The following E2F3 variants were observed in gnomAD, a reference collection of about 807,000 sequenced individuals.
E2F3 encodes the protein transcription factor E2F3.
E2F3 carries 11 observed loss-of-function variants against 44.4 expected under a neutral mutation model. That is an observed-to-expected ratio of 0.25 (90% CI 0.16 to 0.41). E2F3 has a LOEUF of 0.41. Among genes scored for constraint, E2F3 ranks in the 10% least tolerant of loss-of-function variants. The probability of loss-of-function intolerance (pLI) is 1.00; values close to 1 mark genes in which losing one functional copy is unlikely to be tolerated. For missense variants in E2F3, 487 were observed against 583.6 expected, an observed-to-expected ratio of 0.83 and a Z score of 1.70; for synonymous variants, 249 against 253.0, an observed-to-expected ratio of 0.98 and a Z score of 0.15.
At position 20,492,527 on chromosome 6, in the gene E2F3, C is replaced by A. The variant is rs1449229610; in HGVS notation, c.*2097C>A. ...TTATGCCAAGCTTTTCCCCATTTCCCATATTTATCTCATCTGGTTAGCTGC... is the reference window on the plus strand; with the variant it reads ...TTATGCCAAGCTTTTCCCCATTTCCAATATTTATCTCATCTGGTTAGCTGC... On this transcript the variant is annotated 3_prime_UTR_variant, in exon 7 of 7. Coordinates refer to ENST00000346618, the MANE Select transcript of E2F3 (RefSeq NM_001949.5). The A allele has an allele frequency of 1.7e-5, 4 of 233,206 alleles. No homozygotes were observed. The highest frequency in any genetic ancestry group is 3.4e-5 in the Non-Finnish European group (4 of 117,770). 14.4% of individuals were successfully genotyped at this position (233,206 alleles called of 1,614,324 possible).
intron 1 of E2F3, among the ~76,000 whole-genome samples, chr6:20,416,204 C>T (rs1005155134): frequency 7.9e-5 from 12 of 152,170 alleles, no homozygotes; most frequent in Non-Finnish European, 1.5e-4. Context: ...GTTGGGCTTC[C>T]GTTTCAGGAC....
intron 1 of E2F3, among the ~76,000 whole-genome samples, chr6:20,441,780 C>A (rs1487656469): frequency 2.8e-5 from 4 of 142,896 alleles, no homozygotes; most frequent in African/African-American, 1.0e-4. Flanking sequence ...GTTGGCCAGG[C>A]TGGTCTCGAA....
Position 20,475,343 on chromosome 6 carries a change from CCATAGGCCTT to C in E2F3, c.394-4502_394-4493del, listed in dbSNP as rs1762011072. Among the ~76,000 whole-genome samples the C allele has an allele frequency of 3.3e-5, 5 of 152,196 alleles. No homozygotes were observed. In the South Asian group the frequency reaches 8.3e-4, roughly 25 times the overall value. On this transcript the variant is annotated intron_variant, in intron 1 of 6. Transcript: ENST00000346618. ...TTCCCTAACCTACAGTTTAATGGTT[CCATAGGCCTT>C]TGCCTCATGGCAGTCTGAAACAGCA...
rs976867358 is a variant in E2F3 at position 20,419,627 on chromosome 6, G to C, written c.393+17002G>C. Among the ~76,000 whole-genome samples the C allele has an allele frequency of 6.2e-5, 9 of 145,252 alleles. No homozygotes were observed. In the East Asian group the frequency reaches 1.9e-3, roughly 30 times the overall value. On this transcript the variant is annotated intron_variant, in intron 1 of 6. Transcript: ENST00000346618. ...TGCCCAGGCTGGAGTGCAGTGGCAT[G>C]ATCTGGGCTCACTGCAACCTCCATT...
At position 20,402,494 on chromosome 6, in the gene E2F3, GC is replaced by G; in HGVS notation, c.267del (p.Gly90AlafsTer49). The part of the protein sequence containing the change: ...AVAAGPLLPS[A>X]PGAEQTAGSL... ...AGCCGCCGGCCCCCTCCTCCCCAGT[GC>G]CCCCGGCGCGGAGCAGACCGCCGGC... On this transcript the variant is annotated frameshift_variant, in exon 1 of 7. Coordinates refer to ENST00000346618, the MANE Select transcript of E2F3 (RefSeq NM_001949.5). LOFTEE classifies it high-confidence loss of function. This position sits in a 1 kb window ranked among gnomAD's most constrained non-coding sequence, Gnocchi z 5.6. 1.2e-6 allele frequency: 2 copies of G among 1,606,274 alleles called. No homozygotes were observed. Among genetic ancestry groups the G allele is most frequent in the Non-Finnish European group, 8.5e-7 (1 of 1,179,050 alleles).
At chr6:20,459,380 G>A (rs1761424167) in intron 1 of E2F3, among the ~76,000 whole-genome samples, 1 of 152,206 alleles carries the variant, frequency 6.6e-6, no homozygotes, top group Admixed American at 6.5e-5. Flanking sequence ...TTTCAGAACA[G>A]TGATGCCAGC....
In E2F3 at chr6:20,481,438, C is replaced by A. The variant is rs1214858486; in HGVS notation, c.725+13C>A. On this transcript the variant is annotated intron_variant, in intron 3 of 6. Coordinates refer to ENST00000346618, the MANE Select transcript of E2F3 (RefSeq NM_001949.5). Reference sequence around the variant, plus strand: ...ACGTCCAATGGATGTGAGTAGGAGTCCTCCCCATGCCCCGGCTCTGAGGGG... The same window carrying A: ...ACGTCCAATGGATGTGAGTAGGAGTACTCCCCATGCCCCGGCTCTGAGGGG... 6.2e-7 allele frequency: 1 copy of A among 1,612,368 alleles called. No homozygotes were observed.
At chr6:20,482,631 T>G in intron 3 of E2F3, 131 bp from the exon 4 acceptor site, 1 of 500,090 alleles carries the variant, frequency 2.0e-6, no homozygotes, top group Non-Finnish European at 3.3e-6. Context: ...TGTGTAAATG[T>G]TCTAATTTTA....
At chr6:20,434,506 C>G (rs1263155000) in intron 1 of E2F3, among the ~76,000 whole-genome samples, 1 of 152,136 alleles carries the variant, frequency 6.6e-6, no homozygotes, top group African/African-American at 2.4e-5. Context: ...ATCTCAGTTT[C>G]TTTTCTCCTA....
chr6:20,451,612 G>A (rs1761133405), intron 1 of E2F3, among the ~76,000 whole-genome samples: 1 of 152,184 alleles, frequency 6.6e-6, no homozygotes, highest in Non-Finnish European at 1.5e-5. Flanking sequence ...TAGGAGTGGT[G>A]AGAGAGGGCA....
chr6:20,463,869 G>A (rs1045171047), intron 1 of E2F3, among the ~76,000 whole-genome samples: 1 of 152,190 alleles, frequency 6.6e-6, no homozygotes, highest in Non-Finnish European at 1.5e-5. Context: ...CCAGTCGCAA[G>A]CCCCAGATTG....
At chr6:20,483,648 C>T (rs926978572) in intron 4 of E2F3, among the ~76,000 whole-genome samples, 2 of 152,292 alleles carry the variant, frequency 1.3e-5, no homozygotes, top group African/African-American at 2.4e-5. Context: ...AAAACTTGCT[C>T]TTCATCATCT....
intron 1 of E2F3, chr6:20,403,959 AG>A: frequency 3.8e-6 from 2 of 530,972 alleles, no homozygotes; most frequent in Non-Finnish European, 6.5e-6. Context: ...TGGGTGCTCG[AG>A]GGAAATGAGT....
intron 1 of E2F3, among the ~76,000 whole-genome samples, chr6:20,453,631 C>T (rs1761215303): frequency 6.6e-6 from 1 of 152,100 alleles, no homozygotes; most frequent in Admixed American, 6.5e-5. Flanking sequence ...AGGCTGGTCT[C>T]TAACTCCTGG....
chr6:20,482,342 G>GTTTTTTTTT (rs71734781), intron 3 of E2F3, among the ~76,000 whole-genome samples: 13 of 130,090 alleles, frequency 1.0e-4, no homozygotes, highest in Non-Finnish European at 1.5e-4. Flanking sequence ...TTGTTTTTTT[G>GTTTTTTTTT]TTTTTTTTTT....
rs972519043 is a variant in E2F3 at position 20,490,123 on chromosome 6, A to G, written c.1136-45A>G. Reference sequence around the variant, plus strand: ...ACATTCTTCCAGAAAAATTCATTTGATTTTTCTAACTTATTTTTTGTTTCC... The same window carrying G: ...ACATTCTTCCAGAAAAATTCATTTGGTTTTTCTAACTTATTTTTTGTTTCC... On this transcript the variant is annotated intron_variant, in intron 6 of 6. Coordinates refer to ENST00000346618, the MANE Select transcript of E2F3 (RefSeq NM_001949.5). The surrounding 1 kb of genome is among the most constrained non-coding windows in gnomAD (Gnocchi z 4.3). The G allele has an allele frequency of 1.3e-6, 2 of 1,526,994 alleles. No homozygotes were observed. The highest frequency in any genetic ancestry group is 1.8e-6 in the Non-Finnish European group (2 of 1,136,890). The allele number at this position is 1,526,994 out of a possible 1,614,324, so 94.6% of individuals were successfully genotyped here.
At chr6:20,425,981 A>G (rs1211054852) in intron 1 of E2F3, among the ~76,000 whole-genome samples, 1 of 152,168 alleles carries the variant, frequency 6.6e-6, no homozygotes, top group African/African-American at 2.4e-5. Flanking sequence ...AGTCCTGTTG[A>G]GCTCCCACTG....
chr6:20,425,062 A>G (rs1760168200), intron 1 of E2F3, among the ~76,000 whole-genome samples: 1 of 152,188 alleles, frequency 6.6e-6, no homozygotes, highest in Non-Finnish European at 1.5e-5. Flanking sequence ...TGTTTATTGC[A>G]TGAAGGGAAG....
intron 1 of E2F3, among the ~76,000 whole-genome samples, chr6:20,449,645 G>A (rs1444587230): frequency 6.6e-5 from 10 of 152,038 alleles, no homozygotes; most frequent in Non-Finnish European, 1.3e-4. Flanking sequence ...TTAAGTTTAG[G>A]GGTACATCTG....
Sources: gnomAD v4.1 joint callset for allele counts (sites outside exome capture counted in the v4.1 genomes callset) on GRCh38, gnomAD v4.1.1 for gene constraint, Gnocchi (gnomAD v3.1) non-coding constraint, MANE v1.5 for transcripts, NCBI Gene and HGNC (gene_info 2026-07-23, HGNC 2026-07-21) for gene names.